MCU: variants seen among roughly 807,000 people sequenced by gnomAD.
The protein encoded by MCU is calcium uniporter protein, mitochondrial.
MCU carries 12 observed loss-of-function variants against 45.2 expected under a neutral mutation model. The observed-to-expected ratio is 0.27, with a 90% CI of 0.17 to 0.43. The LOEUF is 0.43. Ranked by LOEUF, MCU falls within the 20% of genes least tolerant of loss-of-function variation. The probability of loss-of-function intolerance (pLI) is 1.00; values close to 1 mark genes in which losing one functional copy is unlikely to be tolerated. For synonymous variants in MCU, 160 were observed against 165.1 expected (o/e 0.97, Z 0.24); for missense variants, 324 against 436.7 (o/e 0.74, Z 2.30).
intron 1 of MCU, among the ~76,000 whole-genome samples, chr10:72,744,177 A>G (rs1357966349): frequency 2.0e-5 from 3 of 150,042 alleles, no homozygotes; most frequent in South Asian, 2.1e-4. Context: ...TGGAATAACT[A>G]TGTATAACTA....
At chr10:72,713,420 C>T (rs1447171912) in intron 1 of MCU, among the ~76,000 whole-genome samples, 1 of 152,166 alleles carries the variant, frequency 6.6e-6, no homozygotes. Context: ...GCTGGGATTA[C>T]AGGTGCCTGC....
chr10:72,693,854 A>T (rs540601441), intron 1 of MCU, among the ~76,000 whole-genome samples: 2 of 152,380 alleles, frequency 1.3e-5, no homozygotes, highest in African/African-American at 4.8e-5. Context: ...AACTACTTAA[A>T]GGCTTCCCAA....
At chr10:72,875,045 A>C (rs181955412) in intron 6 of MCU, among the ~76,000 whole-genome samples, 6 of 152,286 alleles carry the variant, frequency 3.9e-5, no homozygotes, top group Non-Finnish European at 7.3e-5. Context: ...TATAAGTATT[A>C]ATATATCGCC....
chr10:72,796,953 C>T (rs1844257461), intron 1 of MCU, among the ~76,000 whole-genome samples: 1 of 151,934 alleles, frequency 6.6e-6, no homozygotes, highest in Non-Finnish European at 1.5e-5. Flanking sequence ...ATTTTTGCTA[C>T]TTCTTAGAAT....
chr10:72,776,593 A>G (rs760531393), intron 1 of MCU, among the ~76,000 whole-genome samples: 2 of 152,236 alleles, frequency 1.3e-5, no homozygotes, highest in Non-Finnish European at 2.9e-5. Flanking sequence ...CATAAATGAC[A>G]AACTCATAGC....
At chr10:72,880,798 T>C (rs952891982) in intron 6 of MCU, among the ~76,000 whole-genome samples, 1 of 152,142 alleles carries the variant, frequency 6.6e-6, no homozygotes, top group African/African-American at 2.4e-5. Flanking sequence ...TAGAAGAGTA[T>C]AGAAACAGAC....
At chr10:72,733,692 TATA>T (rs1198566891) in intron 1 of MCU, among the ~76,000 whole-genome samples, 114 of 146,154 alleles carry the variant, frequency 7.8e-4, no homozygotes, top group African/African-American at 2.7e-3. Context: ...TATATATATA[TATA>T]TATATATATT....
chr10:72,723,089 G>A (rs1843046693), intron 1 of MCU, among the ~76,000 whole-genome samples: 1 of 152,128 alleles, frequency 6.6e-6, no homozygotes, highest in Non-Finnish European at 1.5e-5. Context: ...CCAGCAACTT[G>A]GGAGGCTGAG....
intron 2 of MCU, among the ~76,000 whole-genome samples, chr10:72,836,102 A>G (rs1844952301): frequency 6.6e-6 from 1 of 152,134 alleles, no homozygotes; most frequent in Non-Finnish European, 1.5e-5. Flanking sequence ...GCAGGGTGCC[A>G]TCATTAGATA....
At chr10:72,740,013 A>G (rs192421648) in intron 1 of MCU, among the ~76,000 whole-genome samples, 6 of 151,910 alleles carry the variant, frequency 3.9e-5, no homozygotes, top group African/African-American at 1.4e-4. Flanking sequence ...TTATGATCCC[A>G]TCAATCATTG....
chr10:72,857,831 A>G (rs963297895), intron 2 of MCU, among the ~76,000 whole-genome samples: 1 of 152,234 alleles, frequency 6.6e-6, no homozygotes, highest in Non-Finnish European at 1.5e-5. Flanking sequence ...TAGGCATTCT[A>G]TGCTATACTT....
At chr10:72,861,602 C>T (rs1341309516) in intron 4 of MCU, 1 of 347,454 alleles carries the variant, frequency 2.9e-6, no homozygotes, top group Non-Finnish European at 5.4e-6. Flanking sequence ...CCACCTTGGC[C>T]TCCCAAAGTG....
intron 1 of MCU, among the ~76,000 whole-genome samples, chr10:72,719,948 G>A (rs1254523324): frequency 6.6e-6 from 1 of 152,162 alleles, no homozygotes; most frequent in Non-Finnish European, 1.5e-5. Flanking sequence ...TGTGGCACAG[G>A]CTGGTCTTGA....
chr10:72,882,348 A>T (rs936097129), intron 6 of MCU, among the ~76,000 whole-genome samples: 2 of 152,246 alleles, frequency 1.3e-5, no homozygotes, highest in Non-Finnish European at 2.9e-5. Flanking sequence ...AGATAACCTT[A>T]AACTCTGACC....
At chr10:72,842,618 A>G (rs1042265962) in intron 2 of MCU, among the ~76,000 whole-genome samples, 2 of 152,072 alleles carry the variant, frequency 1.3e-5, no homozygotes, top group African/African-American at 4.8e-5. Flanking sequence ...TGTAATTTAC[A>G]TGTTCTTTCC....
intron 1 of MCU, among the ~76,000 whole-genome samples, chr10:72,697,429 T>A (rs1842704056): frequency 7.3e-6 from 1 of 136,912 alleles, no homozygotes; most frequent in Non-Finnish European, 1.6e-5. Flanking sequence ...GACTTCTATT[T>A]TTTTTTTTTT....
chr10:72,715,857 T>A, intron 1 of MCU: 2 of 985,592 alleles, frequency 2.0e-6, no homozygotes, highest in Non-Finnish European at 2.4e-6. Context: ...GTCTTAGGTA[T>A]TGGTGATGTG....
At chr10:72,866,414 T>C (rs1485535219) in intron 4 of MCU, among the ~76,000 whole-genome samples, 1 of 152,106 alleles carries the variant, frequency 6.6e-6, no homozygotes, top group African/African-American at 2.4e-5. Context: ...TTTTGTGTTT[T>C]TTTGTTTGTT....
intron 1 of MCU, among the ~76,000 whole-genome samples, chr10:72,716,829 C>A (rs189361647): frequency 1.5e-4 from 23 of 152,150 alleles, no homozygotes; most frequent in Admixed American, 5.2e-4. Flanking sequence ...GCTGTGATCA[C>A]GCCATTGTAC....
Sources: gnomAD v4.1 joint callset for allele counts (sites outside exome capture counted in the v4.1 genomes callset) on GRCh38, gnomAD v4.1.1 for gene constraint, MANE v1.5 for transcripts, NCBI Gene and HGNC (gene_info 2026-07-23, HGNC 2026-07-21) for gene names.